The following EOMES variants were observed in gnomAD, a reference collection of about 807,000 sequenced individuals.
EOMES encodes the protein eomesodermin.
Under a neutral mutation model 61.0 loss-of-function variants are expected in EOMES, and 18 were observed. The observed-to-expected ratio is 0.30, with a 90% CI of 0.20 to 0.44. The LOEUF is 0.44. Ranked by LOEUF, EOMES falls within the 20% of genes least tolerant of loss-of-function variation. The probability of loss-of-function intolerance (pLI) is 1.00; values close to 1 mark genes in which losing one functional copy is unlikely to be tolerated. For synonymous variants in EOMES, 430 were observed against 394.0 expected (o/e 1.09, Z -1.08); for missense variants, 885 against 939.2 (o/e 0.94, Z 0.75).
chr3:27,718,918 G>A lies in EOMES; in HGVS notation c.1159-25C>T, dbSNP rs774340823. 9 of 1,571,194 alleles carry A rather than the reference G, an allele frequency of 5.7e-6. No individual in the cohort carries two copies. The African/African-American group carries it at 1.2e-4, about 22-fold the overall frequency. On this transcript the variant is annotated intron_variant, in intron 3 of 5. Coordinates refer to ENST00000449599, the MANE Select transcript of EOMES (RefSeq NM_001278182.2). ...TCTGGAAAGAGTACAGAAAAAAATTGCTAAATCTAAAAAGCCTCTTAGTGG... is the reference window on the plus strand; with the variant it reads ...TCTGGAAAGAGTACAGAAAAAAATTACTAAATCTAAAAAGCCTCTTAGTGG...
At position 27,721,477 on chromosome 3, in the gene EOMES, T is replaced by C; in HGVS notation, c.818A>G (p.Asn273Ser). Residue 273 changes from asparagine to serine, a missense_variant, in exon 1 of 6, where the codon AAC becomes AGC. By Grantham distance (46) the Asn-to-Ser change is conservative (BLOSUM62 1). Coordinates refer to ENST00000449599, the MANE Select transcript of EOMES (RefSeq NM_001278182.2). The surrounding 1 kb of genome is among the most constrained non-coding windows in gnomAD (Gnocchi z 7.4). ...GTGGAATTTGAGCCACAGAGGCCGG[T>C]TGCACAGGTAGACGTGGGCACGGAA... ...SGFRAHVYLC[N>S]RPLWLKFHRH... 6.2e-7 allele frequency: 1 copy of C among 1,613,558 alleles called. No homozygotes were observed. The highest frequency in any genetic ancestry group is 2.2e-5 in the East Asian group (1 of 44,826).
upstream of EOMES, chr3:27,722,536 C>T: frequency 7.5e-7 from 1 of 1,327,618 alleles, no homozygotes; most frequent in Non-Finnish European, 9.6e-7. Flanking sequence ...GAAACTAACC[C>T]AGAAGCCCTC....
rs759891392 is a variant in EOMES, at chr3:27,717,669, G to A, written c.1519C>T (p.Arg507Cys). Residue 507 changes from arginine to cysteine, a missense_variant, in exon 6 of 6, where the codon CGC (arginine) becomes TGC (cysteine). By Grantham distance (180) the Arg-to-Cys change is radical (BLOSUM62 -3). Around this residue, in one of 3 missense-constraint regions of EOMES, gnomAD observed 259 missense variants for 282.3 expected, o/e 0.92. Coordinates refer to ENST00000449599, the MANE Select transcript of EOMES (RefSeq NM_001278182.2). The surrounding 1 kb of genome is among the most constrained non-coding windows in gnomAD (Gnocchi z 4.5). ...EPFVNTLPQA[R>C]YYNGERTVPQ... ...ACGGTTCTCTCGCCATTATAATAGC[G>A]GGCTTGAGGTAAAGTGTTGACAAAG... 11 of 1,614,010 alleles carry A rather than the reference G, an allele frequency of 6.8e-6. 1 individual carries two copies. Among genetic ancestry groups the A allele is most frequent in the South Asian group, 4.4e-5 (4 of 91,066 alleles).
rs777875175 is a variant in EOMES, at chr3:27,717,598, C to T, written c.1590G>A (p.Val530=). ...GLLSPQQSEE[V]ANPPQRWLVT... ...CAAGCCACCGCTGGGGAGGGTTGGC[C>T]ACCTCTTCGCTCTGTTGGGGTGAAA... The change falls in exon 6 of 6, where the codon GTG becomes GTA. Residue 530 remains valine, a synonymous_variant. Coordinates refer to ENST00000449599, the MANE Select transcript of EOMES (RefSeq NM_001278182.2). The surrounding 1 kb of genome is among the most constrained non-coding windows in gnomAD (Gnocchi z 4.5). 1 of 1,614,130 alleles carries T rather than the reference C, an allele frequency of 6.2e-7. No individual in the cohort carries two copies. Among genetic ancestry groups the T allele is most frequent in the Non-Finnish European group, 8.5e-7 (1 of 1,180,012 alleles).
Position 27,722,114 on chromosome 3 carries a change from A to G in EOMES, c.181T>C (p.Cys61Arg). The G allele has an allele frequency of 7.1e-6, 11 of 1,550,632 alleles. No homozygotes were observed. Among genetic ancestry groups the G allele is most frequent in the Non-Finnish European group, 9.6e-6 (11 of 1,147,290 alleles). The part of the protein sequence containing the change: ...ASKKFSGSLS[C>R]EAVSGEPAAA... ...GCGGGCTCCCCGCTCACCGCCTCGCAGGAGAGACTGCCGGAAAACTTCTTG... is the reference window on the plus strand; with the variant it reads ...GCGGGCTCCCCGCTCACCGCCTCGCGGGAGAGACTGCCGGAAAACTTCTTG... Residue 61 changes from cysteine to arginine, a missense_variant, in exon 1 of 6, where the codon TGC becomes CGC. Physicochemically the swap from Cys to Arg is radical, Grantham distance 180. Coordinates refer to ENST00000449599, the MANE Select transcript of EOMES (RefSeq NM_001278182.2).
At chr3:27,722,532 A>C, upstream of EOMES, 1 of 1,333,556 alleles carries the variant, frequency 7.5e-7, no homozygotes, top group East Asian at 3.2e-5. Flanking sequence ...GGTGGAAACT[A>C]ACCCAGAAGC....
chr3:27,717,149 T>C lies in EOMES; in HGVS notation c.2039A>G (p.Glu680Gly). 2 of 1,613,224 alleles carry C rather than the reference T, an allele frequency of 1.2e-6. No individual in the cohort carries two copies. The highest frequency in any genetic ancestry group is 8.5e-7 in the Non-Finnish European group (1 of 1,179,094). ...ACTATACTCTTCAGCATTAATGTCC[T>C]CACACTTTATGGAGGGTGAATTTTC... ...SNENSPSIKC[E>G]DINAEEYSKD... The change falls in exon 6 of 6, where the codon GAG becomes GGG. Residue 680 changes from glutamate to glycine, a missense_variant. Glu to Gly is a moderately conservative substitution (Grantham distance 98). Around this residue, in one of 3 missense-constraint regions of EOMES, gnomAD observed 259 missense variants for 282.3 expected, o/e 0.92. Transcript: ENST00000449599. The surrounding 1 kb of genome is among the most constrained non-coding windows in gnomAD (Gnocchi z 4.5).
Position 27,717,417 on chromosome 3 carries a change from T to C in EOMES, c.1771A>G (p.Met591Val), listed in dbSNP as rs1220070836. Residue 591 changes from methionine (M) to valine (V), a missense_variant, in exon 6 of 6, where the codon ATG becomes GTG. Met to Val is a conservative substitution (Grantham distance 21). Transcript: ENST00000449599. This position sits in a 1 kb window ranked among gnomAD's most constrained non-coding sequence, Gnocchi z 4.5. ...GAACCTCGACCTCCCCACCCTGCCATTGCAGGAAAGGTTGGGTCTGGGTAA... is the reference window on the plus strand; with the variant it reads ...GAACCTCGACCTCCCCACCCTGCCACTGCAGGAAAGGTTGGGTCTGGGTAA... ...GYYPDPTFPA[M>V]AGWGGRGSYQ... 6 of 1,614,194 alleles carry C rather than the reference T, an allele frequency of 3.7e-6. No homozygotes were observed. The East Asian group carries it at 6.7e-5, about 18-fold the overall frequency.
In EOMES at chr3:27,718,541, C is replaced by T. The variant is rs184648686; in HGVS notation, c.1379+46G>A. 2.9e-4 allele frequency: 372 copies of T among 1,298,480 alleles called. 2 individuals are homozygous for T. The African/African-American group carries it at 4.9e-3, about 17-fold the overall frequency. The allele number at this position is 1,298,480 out of a possible 1,614,324, so 80.4% of individuals were successfully genotyped here. A position where few individuals can be genotyped will look rare whatever the true frequency, so the allele number is the denominator to read the frequency against. On this transcript the variant is annotated intron_variant, in intron 5 of 5. Coordinates refer to ENST00000449599, the MANE Select transcript of EOMES (RefSeq NM_001278182.2). ...CAGCAAAGTGCCTGTTGATGTATGT[C>T]CTGCTCAGAGATGATCAGGCAAGTG...
At chr3:27,720,630 CG>C (rs1251434437) in intron 1 of EOMES, among the ~76,000 whole-genome samples, 1 of 148,720 alleles carries the variant, frequency 6.7e-6, no homozygotes, top group Non-Finnish European at 1.5e-5. Flanking sequence ...CTCATATTCT[CG>C]GCCCTTTCAG....
Position 27,720,038 on chromosome 3 carries a change from C to T in EOMES, c.1036+133G>A, listed in dbSNP as rs1459540964. The T allele has an allele frequency of 3.7e-6, 3 of 802,250 alleles. No individual in the cohort carries two copies. The African/African-American group carries it at 5.2e-5, about 14-fold the overall frequency. 49.7% of individuals were successfully genotyped at this position (802,250 alleles called of 1,614,324 possible). A position where few individuals can be genotyped will look rare whatever the true frequency, so the allele number is the denominator to read the frequency against. On this transcript the variant is annotated intron_variant, in intron 2 of 5. Transcript: ENST00000449599. ...GTCAAACAAGCAACTCAAAGACACTCATACTAACACCTCTAGGCCTCAGAA... is the reference window on the plus strand; with the variant it reads ...GTCAAACAAGCAACTCAAAGACACTTATACTAACACCTCTAGGCCTCAGAA...
intron 5 of EOMES, among the ~76,000 whole-genome samples, chr3:27,718,228 T>C (rs1319926074): frequency 6.6e-6 from 1 of 151,382 alleles, no homozygotes; most frequent in East Asian, 1.9e-4. Context: ...TTTTCTTATG[T>C]TAAAAAAAAA....
At position 27,721,977 on chromosome 3, in the gene EOMES, G is replaced by A; in HGVS notation, c.318C>T (p.Gly106=). Residue 106 remains glycine, a synonymous_variant, in exon 1 of 6, where the codon GGC becomes GGT. Transcript: ENST00000449599. The surrounding 1 kb of genome is among the most constrained non-coding windows in gnomAD (Gnocchi z 7.4). ...AKPGPPDGRK[G]SPCGEEELPS... is the part of the protein sequence containing the mutation. ...GCAGCTCCTCCTCCCCGCAGGGGGA[G>A]CCCTTGCGGCCGTCCGGGGGCCCCG... The A allele has an allele frequency of 6.9e-7, 1 of 1,452,782 alleles. No homozygotes were observed. Among genetic ancestry groups the A allele is most frequent in the Non-Finnish European group, 9.0e-7 (1 of 1,111,662 alleles). The allele number at this position is 1,452,782 out of a possible 1,614,324, so 90.0% of individuals were successfully genotyped here. A position where few individuals can be genotyped will look rare whatever the true frequency, so the allele number is the denominator to read the frequency against.
At chr3:27,719,517 A>G (rs1183149371) in intron 2 of EOMES, 36 bp from the exon 3 acceptor site, 1 of 1,600,938 alleles carries the variant, frequency 6.2e-7, no homozygotes, top group Non-Finnish European at 8.5e-7. Flanking sequence ...AAACCCAAGC[A>G]TATAGGGCTG....
intron 3 of EOMES, among the ~76,000 whole-genome samples, 162 bp from the exon 4 acceptor site, chr3:27,719,055 C>CG (rs1376581464): frequency 6.6e-6 from 1 of 151,874 alleles, no homozygotes; most frequent in African/African-American, 2.4e-5. Flanking sequence ...TTGCCCCCCC[C>CG]CTTTTTTTTT....
Position 27,717,857 on chromosome 3 carries a change from G to A in EOMES, c.1380-49C>T. ...AAAAAAAAAAAAAAACCCTAATGTT[G>A]TCCCCAAACAAACCACCTCCCAGAA... On this transcript the variant is annotated intron_variant, in intron 5 of 5. Coordinates refer to ENST00000449599, the MANE Select transcript of EOMES (RefSeq NM_001278182.2). This position sits in a 1 kb window ranked among gnomAD's most constrained non-coding sequence, Gnocchi z 4.5. 7.7e-7 allele frequency: 1 copy of A among 1,300,882 alleles called. No individual in the cohort carries two copies. The highest frequency in any genetic ancestry group is 1.0e-6 in the Non-Finnish European group (1 of 968,806). The allele number at this position is 1,300,882 out of a possible 1,614,324, so 80.6% of individuals were successfully genotyped here. A position where few individuals can be genotyped will look rare whatever the true frequency, so the allele number is the denominator to read the frequency against.
chr3:27,722,153 A>C lies in EOMES; in HGVS notation c.142T>G (p.Leu48Val). ...SAAPSPQKLDLDKASKKFSGS... is the reference protein window; with the variant it reads ...SAAPSPQKLDVDKASKKFSGS... ...GAAAACTTCTTGGACGCTTTGTCTAAGTCCAACTTCTGAGGAGAGGGGGCC... is the reference window on the plus strand; with the variant it reads ...GAAAACTTCTTGGACGCTTTGTCTACGTCCAACTTCTGAGGAGAGGGGGCC... Residue 48 changes from leucine (L) to valine (V), a missense_variant, in exon 1 of 6, where the codon TTA becomes GTA. By Grantham distance (32) the Leu-to-Val change is conservative (BLOSUM62 1). Transcript: ENST00000449599. The C allele has an allele frequency of 6.4e-7, 1 of 1,574,018 alleles. No homozygotes were observed. The highest frequency in any genetic ancestry group is 8.6e-7 in the Non-Finnish European group (1 of 1,160,410).
chr3:27,722,617 A>G (rs891723921), upstream of EOMES: 1 of 1,137,652 alleles, frequency 8.8e-7, no homozygotes, highest in South Asian at 3.6e-5. Flanking sequence ...CGCTGGAAGA[A>G]GGTGACTTAG....
chr3:27,717,484 G>T lies in EOMES; in HGVS notation c.1704C>A (p.Gly568=). The change falls in exon 6 of 6, where the codon GGC becomes GGA. Residue 568 remains glycine, a synonymous_variant. Transcript: ENST00000449599. The surrounding 1 kb of genome is among the most constrained non-coding windows in gnomAD (Gnocchi z 4.5). ...EYTSSTLLPY[G]IKSLPLQTSH... is the part of the protein sequence containing the mutation. Reference sequence around the variant, plus strand: ...ATGTCTGAAGGGGCAAGGATTTAATGCCATATGGGAGCAATGTGCTAGAAG... The same window carrying T: ...ATGTCTGAAGGGGCAAGGATTTAATTCCATATGGGAGCAATGTGCTAGAAG... The T allele has an allele frequency of 6.2e-7, 1 of 1,614,110 alleles. No homozygotes were observed. Among genetic ancestry groups the T allele is most frequent in the Non-Finnish European group, 8.5e-7 (1 of 1,179,960 alleles).
Sources: allele counts gnomAD v4.1 joint callset (sites outside exome capture counted in the v4.1 genomes callset), GRCh38; gene constraint gnomAD v4.1.1; regional missense constraint gnomAD v4.1.1; non-coding constraint Gnocchi (gnomAD v3.1); transcripts MANE v1.5; gene names NCBI Gene and HGNC (gene_info 2026-07-23, HGNC 2026-07-21).